Variants in SMAP1 observed in about 807,000 individuals in gnomAD.
SMAP1 encodes small ArfGAP 1.
In SMAP1, 24 loss-of-function variants were observed where a neutral mutation model predicts 58.5. The observed-to-expected ratio is 0.41, with a 90% CI of 0.30 to 0.58. The LOEUF (loss-of-function observed/expected upper bound fraction) is 0.58. SMAP1 is among the 20% of genes least tolerant of loss of function. The pLI, the probability that SMAP1 is intolerant of heterozygous loss-of-function variation, is 0.29. For synonymous variants in SMAP1, 216 were observed against 196.6 expected (o/e 1.10, Z -0.82); for missense variants, 563 against 566.3 (o/e 0.99, Z 0.06).
chr6:70,783,873 ACT>A (rs1767880089), intron 4 of SMAP1, among the ~76,000 whole-genome samples: 1 of 152,204 alleles, frequency 6.6e-6, no homozygotes, highest in South Asian at 2.1e-4. Flanking sequence ...GTTGGAAAAC[ACT>A]CTGCAGGATA....
At chr6:70,823,653 C>T (rs929667648) in intron 6 of SMAP1, among the ~76,000 whole-genome samples, 2 of 152,078 alleles carry the variant, frequency 1.3e-5, no homozygotes, top group Non-Finnish European at 2.9e-5. Context: ...TACATCCTCC[C>T]ATATACTTTA....
At chr6:70,819,065 T>G (rs1026166108) in intron 6 of SMAP1, among the ~76,000 whole-genome samples, 2 of 152,212 alleles carry the variant, frequency 1.3e-5, no homozygotes, top group African/African-American at 4.8e-5. Flanking sequence ...CACTAATCTT[T>G]CTGTCTCTGT....
Position 70,858,191 on chromosome 6 carries a change from C to G in SMAP1, c.1231C>G (p.Leu411Val), listed in dbSNP as rs757395333. 11 of 1,613,508 alleles carry G rather than the reference C, an allele frequency of 6.8e-6. 1 individual carries two copies. The Admixed American group carries it at 1.0e-4, about 15-fold the overall frequency. ...GGGTGCACCCCAGAGTAAGTTTGGCCTGCCGCAAGCTCAGCAGCCCCAGTG... is the reference window on the plus strand; with the variant it reads ...GGGTGCACCCCAGAGTAAGTTTGGCGTGCCGCAAGCTCAGCAGCCCCAGTG... ...QMGAPQSKFG[L>V]PQAQQPQWSL... The change falls in exon 10 of 11, where the codon CTG becomes GTG. Residue 411 changes from leucine to valine, a missense_variant. Physicochemically the swap from Leu to Val is conservative, Grantham distance 32. This residue lies in a region of SMAP1 where 494 missense variants were observed against 473.8 expected (regional missense o/e 1.04). Transcript: ENST00000370455.
chr6:70,849,589 T>C (rs1253755432), intron 7 of SMAP1, among the ~76,000 whole-genome samples: 2 of 152,146 alleles, frequency 1.3e-5, no homozygotes, highest in East Asian at 1.9e-4. Flanking sequence ...CTAAATTCTC[T>C]TGAGTCACAC....
chr6:70,848,645 A>G (rs1771075342), intron 7 of SMAP1, among the ~76,000 whole-genome samples: 2 of 152,206 alleles, frequency 1.3e-5, no homozygotes, highest in African/African-American at 4.8e-5. Context: ...TGCCCTTCTC[A>G]TCTTGCATCG....
At chr6:70,816,829 T>C (rs1769649918) in intron 6 of SMAP1, among the ~76,000 whole-genome samples, 1 of 152,190 alleles carries the variant, frequency 6.6e-6, no homozygotes, top group South Asian at 2.1e-4. Flanking sequence ...CTAGAAGATT[T>C]TTTAAAACTA....
intron 3 of SMAP1, among the ~76,000 whole-genome samples, chr6:70,764,657 A>AT (rs1341189303): frequency 6.6e-6 from 1 of 152,158 alleles, no homozygotes; most frequent in Non-Finnish European, 1.5e-5. Context: ...GAAAGAAATA[A>AT]TTTTTTTCAA....
At chr6:70,730,928 G>T (rs145636512) in intron 1 of SMAP1, among the ~76,000 whole-genome samples, 3,571 of 152,208 alleles carry the variant, frequency 0.023, 52 homozygotes, top group Non-Finnish European at 0.037. Context: ...GCCTCCTGAG[G>T]AGCTGGTATT....
chr6:70,714,739 A>G lies in SMAP1; in HGVS notation c.119-17639A>G, dbSNP rs143745732. On this transcript the variant is annotated intron_variant, in intron 1 of 10. Transcript: ENST00000370455. ...AAAAAACATTATGTTGTTGTTTTGC[A>G]TCTTTTCATTTCAACTTGAATAACT... Among the ~76,000 whole-genome samples the G allele has an allele frequency of 1.8e-3, 277 of 152,240 alleles. 1 individual carries two copies. Among genetic ancestry groups the G allele is most frequent in the African/African-American group, 6.0e-3 (249 of 41,554 alleles).
intron 1 of SMAP1, chr6:70,668,448 C>A: frequency 1.5e-6 from 2 of 1,354,394 alleles, no homozygotes; most frequent in Non-Finnish European, 1.9e-6. Context: ...GGGGTAGGAG[C>A]GAGGCTGGGA....
rs1562210681 is a variant in SMAP1, at chr6:70,861,478, C to T, written c.*1144C>T. Reference sequence around the variant, plus strand: ...TGAAGACAAAACATACATTTTGTACCAACCATCCAATTAGCTTATGTTAAC... The same window carrying T: ...TGAAGACAAAACATACATTTTGTACTAACCATCCAATTAGCTTATGTTAAC... On this transcript the variant is annotated 3_prime_UTR_variant, in exon 11 of 11. Coordinates refer to ENST00000370455, the MANE Select transcript of SMAP1 (RefSeq NM_001044305.3). 1.7e-6 allele frequency: 1 copy of T among 590,876 alleles called. No homozygotes were observed. 36.6% of individuals were successfully genotyped at this position (590,876 alleles called of 1,614,324 possible).
At chr6:70,747,140 T>C (rs1306564925) in intron 2 of SMAP1, among the ~76,000 whole-genome samples, 1 of 152,216 alleles carries the variant, frequency 6.6e-6, no homozygotes, top group Non-Finnish European at 1.5e-5. Context: ...TGGGTTCTGC[T>C]TCTGGCTCTA....
Position 70,742,679 on chromosome 6 carries a change from C to T in SMAP1, c.252+10168C>T, listed in dbSNP as rs370591863. 5.3e-5 allele frequency among the ~76,000 whole-genome samples: 8 copies of T among 152,284 alleles called. No homozygotes were observed. In the East Asian group the frequency reaches 7.7e-4, roughly 15 times the overall value. ...TATCTTTACAGCAGTGCCCCACTCCCGGTACCAGTTTACTGTATTAGTCTG... is the reference window on the plus strand; with the variant it reads ...TATCTTTACAGCAGTGCCCCACTCCTGGTACCAGTTTACTGTATTAGTCTG... On this transcript the variant is annotated intron_variant, in intron 2 of 10. Transcript: ENST00000370455.
At chr6:70,771,736 C>T (rs543368158) in intron 3 of SMAP1, among the ~76,000 whole-genome samples, 4 of 152,292 alleles carry the variant, frequency 2.6e-5, no homozygotes, top group South Asian at 2.1e-4. Context: ...TGCTTCCGCT[C>T]GCCCACGGTG....
chr6:70,746,674 A>G (rs556562069), intron 2 of SMAP1, among the ~76,000 whole-genome samples: 6 of 152,242 alleles, frequency 3.9e-5, no homozygotes, highest in Admixed American at 3.9e-4. Flanking sequence ...TATCAGGATG[A>G]TGTTGGCCTG....
rs538596466 is a variant in SMAP1 at position 70,804,839 on chromosome 6, G to C, written c.576+6102G>C. On this transcript the variant is annotated intron_variant, in intron 6 of 10. Transcript: ENST00000370455. Reference sequence around the variant, plus strand: ...GTATATTGACCCCCACTCTCTTCTGGCCTATAGTGTTTCTGCTGAGAGATC... The same window carrying C: ...GTATATTGACCCCCACTCTCTTCTGCCCTATAGTGTTTCTGCTGAGAGATC... Among the ~76,000 whole-genome samples the C allele has an allele frequency of 2.0e-5, 3 of 152,028 alleles. No homozygotes were observed. In the East Asian group the frequency reaches 5.8e-4, roughly 29 times the overall value.
At chr6:70,729,326 C>A (rs1489547599) in intron 1 of SMAP1, among the ~76,000 whole-genome samples, 1 of 151,858 alleles carries the variant, frequency 6.6e-6, no homozygotes, top group Non-Finnish European at 1.5e-5. Flanking sequence ...GTAGTCCCAG[C>A]TACTCAGGAG....
intron 1 of SMAP1, among the ~76,000 whole-genome samples, chr6:70,724,092 CTA>C (rs1164368086): frequency 1.3e-5 from 2 of 149,336 alleles, no homozygotes; most frequent in African/African-American, 2.5e-5. Context: ...GAAGAATTAA[CTA>C]TGTCCATTTT....
intron 6 of SMAP1, among the ~76,000 whole-genome samples, chr6:70,826,049 G>A (rs1213456693): frequency 6.6e-6 from 1 of 152,150 alleles, no homozygotes; most frequent in Non-Finnish European, 1.5e-5. Context: ...ACGATAAAAT[G>A]TACTACTGCA....
Sources: gnomAD v4.1 joint callset for allele counts (sites outside exome capture counted in the v4.1 genomes callset) on GRCh38, gnomAD v4.1.1 for gene constraint, gnomAD v4.1.1 regional missense constraint, MANE v1.5 for transcripts, NCBI Gene and HGNC (gene_info 2026-07-23, HGNC 2026-07-21) for gene names.